TENM2: variants seen among roughly 807,000 people sequenced by gnomAD.
TENM2 encodes the protein teneurin transmembrane protein 2, also known as teneurin-2.
Under a neutral mutation model 245.2 loss-of-function variants are expected in TENM2, and 52 were observed. That is an observed-to-expected ratio of 0.21 (90% confidence interval 0.17 to 0.27). TENM2 has a LOEUF of 0.27. Ranked by LOEUF, TENM2 falls within the 10% of genes least tolerant of loss-of-function variation. TENM2 has a pLI of 1.00. For missense variants in TENM2, 3,046 were observed against 3,666.8 expected (o/e 0.83, Z 4.37); for synonymous variants, 1,363 against 1,438.9 (o/e 0.95, Z 1.19).
chr5:167,865,302 A>G (rs1321918232), intron 2 of TENM2, among the ~76,000 whole-genome samples: 1 of 151,940 alleles, frequency 6.6e-6, no homozygotes, highest in Non-Finnish European at 1.5e-5. Flanking sequence ...ATTTTTTTGT[A>G]GAGTGTTGCT....
At chr5:167,094,852 G>C in the TENM2 span, among the ~76,000 whole-genome samples, 1 of 152,088 alleles carries the variant, frequency 6.6e-6, no homozygotes, top group Non-Finnish European at 1.5e-5. Flanking sequence ...AATTTTTCTT[G>C]AAATTTACTG....
chr5:167,811,116 G>C (rs564790653), intron 2 of TENM2, among the ~76,000 whole-genome samples: 1 of 152,258 alleles, frequency 6.6e-6, no homozygotes, highest in East Asian at 1.9e-4. Context: ...ACACTGTGTA[G>C]AATCCCCAGA....
chr5:167,859,711 C>T (rs1186832215), intron 2 of TENM2, among the ~76,000 whole-genome samples: 27 of 99,280 alleles, frequency 2.7e-4, no homozygotes, highest in Non-Finnish European at 3.5e-4. Context: ...GCCCGGCCAG[C>T]CGCCCCGTCC....
chr5:167,145,376 A>G, the TENM2 span, among the ~76,000 whole-genome samples: 1 of 152,192 alleles, frequency 6.6e-6, no homozygotes, highest in South Asian at 2.1e-4. Flanking sequence ...ATAAAACGAG[A>G]TGCCACTACC....
intron 22 of TENM2, among the ~76,000 whole-genome samples, chr5:168,217,795 G>T (rs1763330445): frequency 1.3e-5 from 2 of 152,134 alleles, no homozygotes; most frequent in Non-Finnish European, 2.9e-5. Flanking sequence ...GGTCTCTTGT[G>T]CAGTGAACTA....
At chr5:167,197,490 T>G in the TENM2 span, among the ~76,000 whole-genome samples, 1 of 152,058 alleles carries the variant, frequency 6.6e-6, no homozygotes, top group Non-Finnish European at 1.5e-5. Context: ...AGAGGCTTCT[T>G]TATACTTTTT....
At chr5:166,999,090 A>T in the TENM2 span, among the ~76,000 whole-genome samples, 1 of 151,668 alleles carries the variant, frequency 6.6e-6, no homozygotes, top group Admixed American at 6.6e-5. Flanking sequence ...TTTATGTTTA[A>T]AAAACCCTGT....
chr5:168,143,967 A>G (rs1192018933), intron 12 of TENM2, among the ~76,000 whole-genome samples: 1 of 147,030 alleles, frequency 6.8e-6, no homozygotes, highest in African/African-American at 2.5e-5. Flanking sequence ...CTCCTGCCTC[A>G]GCCTCCCGAG....
Position 167,452,950 on chromosome 5 carries a change from T to TTTTTTTTTTTTTAA in TENM2, c.502+77477_502+77478insTTTTTTTTTTTTAA, listed in dbSNP as rs70976428. Reference sequence around the variant, plus strand: ...TATGATTTATATATATATATATATATATATATATATATTTAAAAAAAAAAA... The same window carrying TTTTTTTTTTTTTAA: ...TATGATTTATATATATATATATATATTTTTTTTTTTTTAAATATATATATATTTAAAAAAAAAAA... On this transcript the variant is annotated intron_variant, in intron 2 of 28. Coordinates refer to ENST00000518659, the Ensembl canonical transcript of TENM2. Among the ~76,000 whole-genome samples, 6 of 99,630 alleles carry TTTTTTTTTTTTTAA rather than the reference T, an allele frequency of 6.0e-5. 1 individual carries two copies. The highest frequency in any genetic ancestry group is 2.0e-4 in the African/African-American group (6 of 29,432). The allele number at this position is 99,630 out of a possible 152,430, so 65.4% of individuals were successfully genotyped here. A position where few individuals can be genotyped will look rare whatever the true frequency, so the allele number is the denominator to read the frequency against.
chr5:168,089,523 C>T (rs1318346146), intron 7 of TENM2, among the ~76,000 whole-genome samples: 3 of 152,190 alleles, frequency 2.0e-5, no homozygotes, highest in African/African-American at 7.2e-5. Context: ...TAGTTGACCA[C>T]TCTGTCTCTC....
intron 2 of TENM2, among the ~76,000 whole-genome samples, chr5:167,836,566 GA>G (rs771170853): frequency 1.3e-5 from 2 of 152,078 alleles, no homozygotes; most frequent in Non-Finnish European, 2.9e-5. Context: ...AATAAATAGA[GA>G]AAAAATGTCA....
intron 2 of TENM2, among the ~76,000 whole-genome samples, chr5:167,710,947 T>C (rs1275961044): frequency 2.0e-5 from 3 of 152,240 alleles, no homozygotes; most frequent in Non-Finnish European, 4.4e-5. Context: ...AGCTATCTAT[T>C]ATTCATGAAT....
intron 2 of TENM2, among the ~76,000 whole-genome samples, chr5:167,752,089 C>A (rs1466848547): frequency 6.6e-6 from 1 of 151,498 alleles, no homozygotes; most frequent in East Asian, 1.9e-4. Flanking sequence ...GCTCTTGGGG[C>A]CCCTTCTTTC....
intron 2 of TENM2, among the ~76,000 whole-genome samples, chr5:167,481,901 A>G (rs939221869): frequency 1.3e-5 from 2 of 152,222 alleles, no homozygotes; most frequent in African/African-American, 4.8e-5. Context: ...GTGAGTATGC[A>G]TATATTACCG....
intron 12 of TENM2, chr5:168,139,649 G>A (rs962445493): frequency 2.3e-6 from 1 of 443,902 alleles, no homozygotes; most frequent in Non-Finnish European, 4.5e-6. Flanking sequence ...AGGGGAGGGA[G>A]GGAAGAGCCT....
At chr5:168,030,028 GTC>G (rs1786974224) in intron 5 of TENM2, among the ~76,000 whole-genome samples, 1 of 152,098 alleles carries the variant, frequency 6.6e-6, no homozygotes, top group South Asian at 2.1e-4. Context: ...GGGGCACTGA[GTC>G]TCTCTGATCA....
chr5:167,801,104 AAAAAAATATATATATATAT>A (rs1184492435), intron 2 of TENM2, among the ~76,000 whole-genome samples: 2 of 64,128 alleles, frequency 3.1e-5, no homozygotes, highest in Non-Finnish European at 5.6e-5. Context: ...AGAAAAAAAA[AAAAAAATATATATATATAT>A]ATATATATAT....
At chr5:167,998,935 T>C (rs1041165326) in intron 5 of TENM2, among the ~76,000 whole-genome samples, 4 of 152,220 alleles carry the variant, frequency 2.6e-5, no homozygotes, top group Non-Finnish European at 4.4e-5. Context: ...TGTTTAAAGT[T>C]GCTACACTTG....
chr5:167,280,164 C>A (rs1770962750), upstream of TENM2, among the ~76,000 whole-genome samples: 2 of 152,088 alleles, frequency 1.3e-5, no homozygotes, highest in African/African-American at 4.8e-5. Flanking sequence ...GGAAGCCAAC[C>A]CAGGGATAGA....
Sources: gnomAD v4.1 joint callset for allele counts (sites outside exome capture counted in the v4.1 genomes callset) on GRCh38, gnomAD v4.1.1 for gene constraint, MANE v1.5 for transcripts, NCBI Gene and HGNC (gene_info 2026-07-23, HGNC 2026-07-21) for gene names.